The following RAB31 variants were observed in gnomAD, a reference collection of about 807,000 sequenced individuals.
RAB31 encodes RAB31, member RAS oncogene family, also known as ras-related protein Rab-31.
A neutral mutation model predicts 25.6 loss-of-function variants in RAB31; 21 were observed. The observed-to-expected ratio is 0.82, with a 90% CI of 0.58 to 1.18. The LOEUF (loss-of-function observed/expected upper bound fraction) is 1.18, where lower values mean the gene tolerates loss of function less well. RAB31 is among the 50% of genes most tolerant of loss of function. RAB31 has a pLI of 0.00. For missense variants in RAB31, 196 were observed against 250.1 expected (o/e 0.78, Z 1.46); for synonymous variants, 87 against 84.0 (o/e 1.04, Z -0.20).
intron 1 of RAB31, among the ~76,000 whole-genome samples, chr18:9,713,237 A>G (rs1474150915): frequency 6.6e-6 from 1 of 152,140 alleles, no homozygotes; most frequent in East Asian, 1.9e-4. Flanking sequence ...TAATGATCAC[A>G]TTTGCTTTCC....
At chr18:9,794,912 A>G (rs2143036012) in intron 3 of RAB31, among the ~76,000 whole-genome samples, 1 of 152,316 alleles carries the variant, frequency 6.6e-6, no homozygotes, top group East Asian at 1.9e-4. Context: ...ATATGGAACC[A>G]AAAAAGAGCC....
intron 1 of RAB31, among the ~76,000 whole-genome samples, chr18:9,761,073 A>G (rs2068286179): frequency 6.6e-6 from 1 of 152,202 alleles, no homozygotes; most frequent in Non-Finnish European, 1.5e-5. Context: ...ACTGCATTTC[A>G]TGGTAGCTCT....
intron 3 of RAB31, among the ~76,000 whole-genome samples, chr18:9,805,353 A>C (rs953304852): frequency 1.3e-5 from 2 of 151,096 alleles, no homozygotes; most frequent in East Asian, 3.9e-4. Context: ...TCCTTCCTGG[A>C]GGTACAAGGG....
In RAB31 at chr18:9,803,908, C is replaced by T. The variant is rs149486363; in HGVS notation, c.202-10112C>T. ...CTGTAAGAAAATAGGAATCTAGGTG[C>T]AGAACAGCCCTCCTGGGTGTCAGAA... On this transcript the variant is annotated intron_variant, in intron 3 of 6. Transcript: ENST00000578921. Among the ~76,000 whole-genome samples the T allele has an allele frequency of 2.6e-3, 391 of 152,320 alleles. 1 individual carries two copies. Among genetic ancestry groups the T allele is most frequent in the African/African-American group, 9.2e-3 (381 of 41,570 alleles).
At chr18:9,791,627 A>G (rs1327436898) in intron 2 of RAB31, among the ~76,000 whole-genome samples, 2 of 150,692 alleles carry the variant, frequency 1.3e-5, no homozygotes, top group East Asian at 2.0e-4. Flanking sequence ...GAAGTCTCAT[A>G]CTGTCACCTG....
chr18:9,712,266 T>G (rs980825901), intron 1 of RAB31, among the ~76,000 whole-genome samples: 13 of 152,100 alleles, frequency 8.5e-5, no homozygotes, highest in African/African-American at 3.1e-4. Flanking sequence ...CTGTTATAAA[T>G]TCTTGGCTCA....
At chr18:9,720,320 C>T (rs938038791) in intron 1 of RAB31, among the ~76,000 whole-genome samples, 1 of 152,126 alleles carries the variant, frequency 6.6e-6, no homozygotes, top group Non-Finnish European at 1.5e-5. Context: ...AGTTTCTGTC[C>T]TTGAGGTTTA....
chr18:9,760,723 A>G (rs575938497), intron 1 of RAB31, among the ~76,000 whole-genome samples: 1 of 152,236 alleles, frequency 6.6e-6, no homozygotes, highest in Admixed American at 6.5e-5. Context: ...TGTTTCGCCT[A>G]ACATGTCTTG....
intron 1 of RAB31, among the ~76,000 whole-genome samples, chr18:9,760,174 GT>G (rs1350687644): frequency 6.9e-6 from 1 of 145,128 alleles, no homozygotes; most frequent in Non-Finnish European, 1.5e-5. Flanking sequence ...TTTTGTTTTT[GT>G]TTTTGTTTTT....
At chr18:9,752,666 T>C (rs2145479259) in intron 1 of RAB31, among the ~76,000 whole-genome samples, 2 of 152,354 alleles carry the variant, frequency 1.3e-5, no homozygotes, top group South Asian at 4.1e-4. Flanking sequence ...AACATCATTC[T>C]TCTAAAGTTT....
intron 1 of RAB31, among the ~76,000 whole-genome samples, chr18:9,753,452 A>G (rs1568170260): frequency 6.6e-6 from 1 of 152,244 alleles, no homozygotes; most frequent in African/African-American, 2.4e-5. Context: ...AGTCCTCACC[A>G]GCAGGAAGGC....
intron 2 of RAB31, among the ~76,000 whole-genome samples, chr18:9,776,587 T>C (rs922750844): frequency 2.0e-5 from 3 of 152,212 alleles, no homozygotes; most frequent in Non-Finnish European, 4.4e-5. Flanking sequence ...AGCCTGCAAC[T>C]TGTTAACAAG....
chr18:9,718,302 A>G (rs2068054457), intron 1 of RAB31, among the ~76,000 whole-genome samples: 1 of 148,096 alleles, frequency 6.8e-6, no homozygotes, highest in Non-Finnish European at 1.5e-5. Flanking sequence ...TTTTGTTACC[A>G]AGGCTGGAGT....
At chr18:9,768,799 A>G (rs534186090) in intron 1 of RAB31, among the ~76,000 whole-genome samples, 11 of 152,232 alleles carry the variant, frequency 7.2e-5, no homozygotes, top group African/African-American at 2.4e-4. Context: ...GGTATTGCCT[A>G]GGTTTCTTCT....
chr18:9,784,092 A>G (rs2068419356), intron 2 of RAB31, among the ~76,000 whole-genome samples: 1 of 152,206 alleles, frequency 6.6e-6, no homozygotes, highest in African/African-American at 2.4e-5. Context: ...GCTGGAGTGC[A>G]GTGGCACAAT....
intron 6 of RAB31, chr18:9,849,452 G>C (rs1224014594): frequency 6.6e-6 from 1 of 152,186 alleles, no homozygotes; most frequent in Non-Finnish European, 1.5e-5. Flanking sequence ...CAGCAAATTA[G>C]ACAAGCCTAC....
intron 1 of RAB31, among the ~76,000 whole-genome samples, chr18:9,761,243 G>A (rs560471222): frequency 1.6e-4 from 24 of 152,210 alleles, no homozygotes; most frequent in Middle Eastern, 3.4e-3. Context: ...ATCAGTACTC[G>A]CAGAGCAGAA....
chr18:9,757,092 C>T (rs1477337962), intron 1 of RAB31, among the ~76,000 whole-genome samples: 2 of 152,218 alleles, frequency 1.3e-5, no homozygotes, highest in East Asian at 1.9e-4. Flanking sequence ...GGCGTTCAGT[C>T]AGGAAGCAGA....
intron 2 of RAB31, among the ~76,000 whole-genome samples, chr18:9,786,062 A>G (rs545895257): frequency 2.0e-5 from 2 of 101,778 alleles, no homozygotes; most frequent in African/African-American, 4.0e-5. Flanking sequence ...GAAAGAGAGA[A>G]AGAGAAAGAG....
Sources: allele counts gnomAD v4.1 joint callset (sites outside exome capture counted in the v4.1 genomes callset), GRCh38; gene constraint gnomAD v4.1.1; transcripts MANE v1.5; gene names NCBI Gene and HGNC (gene_info 2026-07-23, HGNC 2026-07-21).